ADGRG5: variants seen among roughly 807,000 people sequenced by gnomAD.
ADGRG5 encodes G protein-coupled receptor 114.
ADGRG5 carries 37 observed loss-of-function variants against 53.2 expected under a neutral mutation model. The ratio of observed to expected loss-of-function variants is 0.70; its 90% CI spans 0.53 to 0.91. The LOEUF is 0.91. Ranked by LOEUF, ADGRG5 falls within the 40% of genes least tolerant of loss-of-function variation. The pLI, the probability that ADGRG5 is intolerant of heterozygous loss-of-function variation, is 0.00. For synonymous variants in ADGRG5, 277 were observed against 290.4 expected (o/e 0.95, Z 0.47); for missense variants, 614 against 675.8 (o/e 0.91, Z 1.01).
the ADGRG5 span, among the ~76,000 whole-genome samples, chr16:57,531,033 C>T: frequency 2.0e-5 from 3 of 152,036 alleles, no homozygotes; most frequent in Admixed American, 6.5e-5. Context: ...CTGGGCTTAT[C>T]CCTCGAATGC....
intron 3 of ADGRG5, 25 bp downstream of exon 3, chr16:57,562,484 C>T (rs1224358079): frequency 4.0e-6 from 6 of 1,517,976 alleles, no homozygotes; most frequent in African/African-American, 1.4e-5. Flanking sequence ...CCTCCCACCC[C>T]AAGCCTGCAC....
At chr16:57,548,566 G>A (rs553793462) in intron 1 of ADGRG5, among the ~76,000 whole-genome samples, 74 of 152,036 alleles carry the variant, frequency 4.9e-4, no homozygotes, top group African/African-American at 1.7e-3. Flanking sequence ...CTGTTCCATC[G>A]CCACAAGGAT....
chr16:57,563,062 G>T, intron 3 of ADGRG5, 29 bp from the exon 4 acceptor site: 1 of 1,613,448 alleles, frequency 6.2e-7, no homozygotes, highest in Non-Finnish European at 8.5e-7. Flanking sequence ...CCGGGCTCTG[G>T]CCTCCCTGGC....
At chr16:57,533,619 C>A in the ADGRG5 span, among the ~76,000 whole-genome samples, 2 of 151,838 alleles carry the variant, frequency 1.3e-5, no homozygotes, top group Admixed American at 1.3e-4. Flanking sequence ...GACCCGCACT[C>A]ACACACAGCC....
At chr16:57,575,296 C>A in intron 11 of ADGRG5, 142 bp from the exon 12 acceptor site, 1 of 917,592 alleles carries the variant, frequency 1.1e-6, no homozygotes, top group Non-Finnish European at 1.6e-6. Flanking sequence ...AGCTCTGAGG[C>A]TCTGCCCCTC....
the ADGRG5 span, among the ~76,000 whole-genome samples, chr16:57,532,477 A>AACATCTGTGCACACACAG: frequency 2.6e-4 from 40 of 152,284 alleles, no homozygotes; most frequent in African/African-American, 9.4e-4. Flanking sequence ...TGCATTCACA[A>AACATCTGTGCACACACAG]ACATCTGTGC....
At chr16:57,540,399 C>A (rs1401183262), upstream of ADGRG5, among the ~76,000 whole-genome samples, 1 of 152,210 alleles carries the variant, frequency 6.6e-6, no homozygotes, top group African/African-American at 2.4e-5. Context: ...CTACAATCTT[C>A]TTGCAGGCTA....
intron 1 of ADGRG5, among the ~76,000 whole-genome samples, chr16:57,544,369 A>G (rs1415285908): frequency 1.3e-5 from 2 of 151,926 alleles, no homozygotes; most frequent in Admixed American, 6.6e-5. Context: ...GTGCATGGTG[A>G]CCTCTCTGAA....
intron 9 of ADGRG5, among the ~76,000 whole-genome samples, chr16:57,568,342 A>G (rs2033205263): frequency 6.6e-6 from 1 of 151,318 alleles, no homozygotes; most frequent in Non-Finnish European, 1.5e-5. Flanking sequence ...CACCACCATT[A>G]TCACCTCCTC....
In ADGRG5 at chr16:57,571,397, G is replaced by A. The variant is rs901003503; in HGVS notation, c.1208+862G>A. Among the ~76,000 whole-genome samples, 56 of 152,118 alleles carry A rather than the reference G, an allele frequency of 3.7e-4. 1 individual carries two copies. Among genetic ancestry groups the A allele is most frequent in the Middle Eastern group, 3.4e-3 (1 of 292 alleles). Reference sequence around the variant, plus strand: ...GTGGCAGAGCTGGGGCTTGGTCTCCGGCAGGCTGGTCCAGAGCCTGGCCCC... The same window carrying A: ...GTGGCAGAGCTGGGGCTTGGTCTCCAGCAGGCTGGTCCAGAGCCTGGCCCC... On this transcript the variant is annotated intron_variant, in intron 10 of 11. Transcript: ENST00000349457.
Position 57,567,935 on chromosome 16 carries a change from A to G in ADGRG5, c.901A>G (p.Ser301Gly). 1 of 1,613,842 alleles carries G rather than the reference A, an allele frequency of 6.2e-7. No homozygotes were observed. The highest frequency in any genetic ancestry group is 8.5e-7 in the Non-Finnish European group (1 of 1,179,930). Residue 301 changes from serine (S) to glycine (G), a missense_variant, in exon 9 of 12, where the codon AGC becomes GGC. Ser to Gly is a moderately conservative substitution (Grantham distance 56). Coordinates refer to ENST00000349457, the MANE Select transcript of ADGRG5 (RefSeq NM_001304376.3). ...GCTCCTGAACATCGCCTTCCTGCTG[A>G]GCCCCGCATTCGCAATGTCTCCTGT... ...VLLLNIAFLL[S>G]PAFAMSPVPG...
At chr16:57,535,635 C>T in the ADGRG5 span, among the ~76,000 whole-genome samples, 1 of 151,562 alleles carries the variant, frequency 6.6e-6, no homozygotes, top group Non-Finnish European at 1.5e-5. Flanking sequence ...CCACCCCGAC[C>T]CCAGCCCCAC....
intron 1 of ADGRG5, among the ~76,000 whole-genome samples, chr16:57,550,025 G>A (rs1267074984): frequency 6.6e-6 from 1 of 152,050 alleles, no homozygotes; most frequent in African/African-American, 2.4e-5. Context: ...CACCCAGGCT[G>A]AAATGCAGTG....
intron 3 of ADGRG5, among the ~76,000 whole-genome samples, chr16:57,562,871 G>A (rs2033036253): frequency 6.6e-6 from 1 of 152,154 alleles, no homozygotes. Flanking sequence ...TGGAGGAGGT[G>A]ACAATAAACT....
chr16:57,569,261 C>T (rs1451462825), intron 9 of ADGRG5, among the ~76,000 whole-genome samples: 1 of 150,442 alleles, frequency 6.6e-6, no homozygotes, highest in African/African-American at 2.5e-5. Context: ...ACCACCTCCT[C>T]CACCTCCATC....
the ADGRG5 span, among the ~76,000 whole-genome samples, chr16:57,536,899 G>C: frequency 3.9e-5 from 6 of 152,148 alleles, no homozygotes; most frequent in East Asian, 1.9e-4. Context: ...CAGCAGAAAC[G>C]GCCACCGCGG....
Position 57,566,716 on chromosome 16 carries a change from C to T in ADGRG5, c.664C>T (p.Arg222Cys), listed in dbSNP as rs376467900. Residue 222 changes from arginine to cysteine, a missense_variant, in exon 7 of 12, where the codon CGC (arginine) becomes TGC (cysteine). By Grantham distance (180) the Arg-to-Cys change is radical. Transcript: ENST00000349457. Reference sequence around the variant, plus strand: ...GCCCTCCCACTCTCAGGTGCTCTGCCGCTGCAACCACCTCACCTACTTTGC... The same window carrying T: ...GCCCTCCCACTCTCAGGTGCTCTGCTGCTGCAACCACCTCACCTACTTTGC... Reference protein sequence around the residue: ...EQPSHSQVLCRCNHLTYFAVL... With the variant: ...EQPSHSQVLCCCNHLTYFAVL... 8.9e-6 allele frequency: 14 copies of T among 1,571,278 alleles called. No individual in the cohort carries two copies. Among genetic ancestry groups the T allele is most frequent in the East Asian group, 4.7e-5 (2 of 42,120 alleles).
chr16:57,545,533 G>A (rs1396724709), intron 1 of ADGRG5, among the ~76,000 whole-genome samples: 1 of 152,112 alleles, frequency 6.6e-6, no homozygotes, highest in African/African-American at 2.4e-5. Context: ...CAATAGCTGG[G>A]CTTGGATGTG....
At position 57,567,932 on chromosome 16, in the gene ADGRG5, C is replaced by T. The variant is rs115719809; in HGVS notation, c.898C>T (p.Leu300=). 1.9e-6 allele frequency: 3 copies of T among 1,613,734 alleles called. No individual in the cohort carries two copies. Among genetic ancestry groups the T allele is most frequent in the Admixed American group, 3.3e-5 (2 of 59,984 alleles). ...SVLLLNIAFL[L]SPAFAMSPVP... is the part of the protein sequence containing the mutation. ...GCTGCTCCTGAACATCGCCTTCCTGCTGAGCCCCGCATTCGCAATGTCTCC... is the reference window on the plus strand; with the variant it reads ...GCTGCTCCTGAACATCGCCTTCCTGTTGAGCCCCGCATTCGCAATGTCTCC... The change falls in exon 9 of 12, where the codon CTG becomes TTG. Residue 300 remains leucine (L), a synonymous_variant. Coordinates refer to ENST00000349457, the MANE Select transcript of ADGRG5 (RefSeq NM_001304376.3).
Sources: gnomAD v4.1 joint callset for allele counts (sites outside exome capture counted in the v4.1 genomes callset) on GRCh38, gnomAD v4.1.1 for gene constraint, MANE v1.5 for transcripts, NCBI Gene and HGNC (gene_info 2026-07-23, HGNC 2026-07-21) for gene names.